The following CNTNAP3 variants were observed in gnomAD, a reference collection of about 807,000 sequenced individuals.
The protein encoded by CNTNAP3 is contactin-associated protein-like 3.
Under a neutral mutation model 92.1 loss-of-function variants are expected in CNTNAP3, and 36 were observed. That is an observed-to-expected ratio of 0.39 (90% confidence interval 0.30 to 0.52). The LOEUF (loss-of-function observed/expected upper bound fraction) is 0.52, where lower values mean the gene tolerates loss of function less well. CNTNAP3 is among the 20% of genes least tolerant of loss of function. The pLI is 0.76. For missense variants in CNTNAP3, 534 were observed against 1,069.6 expected (o/e 0.50, Z 6.98); for synonymous variants, 232 against 422.3 (o/e 0.55, Z 5.53).
intron 23 of CNTNAP3, among the ~76,000 whole-genome samples, chr9:39,076,731 G>A (rs1825778158): frequency 6.6e-6 from 1 of 152,304 alleles, no homozygotes; most frequent in African/African-American, 2.4e-5. Flanking sequence ...CACTTTGGGA[G>A]GCCAAGGTAG....
rs1821806201 is a variant in CNTNAP3, at chr9:39,150,036, T to C, written c.1478-59A>G. On this transcript the variant is annotated intron_variant, in intron 9 of 23. Transcript: ENST00000297668. ...CAACTATGACAAAACTATTCCACAG[T>C]ATTTACTATATGAAGACTGCTGCTC... The C allele has an allele frequency of 3.0e-6, 4 of 1,350,888 alleles. No homozygotes were observed. The East Asian group carries it at 7.1e-5, about 24-fold the overall frequency. 83.7% of individuals were successfully genotyped at this position (1,350,888 alleles called of 1,614,324 possible).
Position 39,113,854 on chromosome 9 carries a change from T to A in CNTNAP3, c.2237+4249A>T, listed in dbSNP as rs543194222. ...GCTATATCAAGTTTGTTAATTATAA[T>A]ATTAAAATATTCTTACCTGCTTCAC... On this transcript the variant is annotated intron_variant, in intron 14 of 23. Coordinates refer to ENST00000297668, the MANE Select transcript of CNTNAP3 (RefSeq NM_033655.5). Among the ~76,000 whole-genome samples, 1,127 of 151,518 alleles carry A rather than the reference T, an allele frequency of 7.4e-3. 13 individuals carry two copies. The highest frequency in any genetic ancestry group is 0.026 in the African/African-American group (1,079 of 41,332).
chr9:39,085,902 A>G lies in CNTNAP3; in HGVS notation c.3355-79T>C, dbSNP rs1194447385. The G allele has an allele frequency of 2.9e-5, 37 of 1,266,508 alleles. 1 individual carries two copies. The East Asian group carries it at 4.5e-4, about 15-fold the overall frequency. The allele number at this position is 1,266,508 out of a possible 1,614,324, so 78.5% of individuals were successfully genotyped here. A position where few individuals can be genotyped will look rare whatever the true frequency, so the allele number is the denominator to read the frequency against. On this transcript the variant is annotated intron_variant, in intron 20 of 23. Transcript: ENST00000297668. ...TAAGGAAGCAAAGGAAGATGAGGAA[A>G]GGAAAGATGAAAATAAATCACTTTT...
chr9:39,128,482 AT>A (rs1426898065), intron 13 of CNTNAP3, among the ~76,000 whole-genome samples: 29 of 151,894 alleles, frequency 1.9e-4, no homozygotes, highest in African/African-American at 6.0e-4. Context: ...TTTAATACCA[AT>A]TGACACAGAA....
chr9:39,145,464 T>G, intron 10 of CNTNAP3, among the ~76,000 whole-genome samples: 2 of 140,390 alleles, frequency 1.4e-5, no homozygotes, highest in Admixed American at 6.9e-5. Context: ...GGCCGGGAGG[T>G]TGTGACAGGC....
In CNTNAP3 at chr9:39,068,961, C is replaced by A. The variant is rs1260227980; in HGVS notation, c.*4929G>T. On this transcript the variant is annotated 3_prime_UTR_variant, in exon 24 of 24. Coordinates refer to ENST00000297668, the MANE Select transcript of CNTNAP3 (RefSeq NM_033655.5). ...GAGGGTAAATATGCTCCCTATTACTCCATCTTAGCCAGAAGTAAAATAAGA... is the reference window on the plus strand; with the variant it reads ...GAGGGTAAATATGCTCCCTATTACTACATCTTAGCCAGAAGTAAAATAAGA... 2.0e-5 allele frequency among the ~76,000 whole-genome samples: 3 copies of A among 152,280 alleles called. No homozygotes were observed. Among genetic ancestry groups the A allele is most frequent in the Non-Finnish European group, 4.4e-5 (3 of 68,056 alleles).
chr9:39,103,596 A>C (rs1446338801), intron 16 of CNTNAP3, 148 bp downstream of exon 16: 17 of 1,075,152 alleles, frequency 1.6e-5, no homozygotes, highest in East Asian at 1.4e-4. Flanking sequence ...TCTCAAAAAA[A>C]AAAAAATTAC....
intron 12 of CNTNAP3, among the ~76,000 whole-genome samples, chr9:39,135,736 T>G (rs1249566431): frequency 1.3e-5 from 2 of 152,154 alleles, no homozygotes; most frequent in Non-Finnish European, 2.9e-5. Context: ...CAGCCTACAG[T>G]TGGGCAAAAT....
chr9:39,090,438 A>C (rs1415661869), intron 18 of CNTNAP3, among the ~76,000 whole-genome samples: 1 of 152,198 alleles, frequency 6.6e-6, no homozygotes, highest in Non-Finnish European at 1.5e-5. Context: ...GTCTAATTTC[A>C]TTCATTTGCA....
chr9:39,111,176 G>A (rs894873457), intron 14 of CNTNAP3, among the ~76,000 whole-genome samples: 2 of 152,078 alleles, frequency 1.3e-5, no homozygotes, highest in African/African-American at 2.4e-5. Flanking sequence ...ATCCTCTGTG[G>A]TGGGAACATT....
intron 14 of CNTNAP3, among the ~76,000 whole-genome samples, chr9:39,111,228 T>C (rs958203377): frequency 7.2e-5 from 11 of 152,166 alleles, no homozygotes; most frequent in African/African-American, 2.7e-4. Flanking sequence ...AATAAATTAC[T>C]GTTAACTATA....
At chr9:39,134,435 T>C (rs1166728927) in intron 12 of CNTNAP3, among the ~76,000 whole-genome samples, 1 of 151,184 alleles carries the variant, frequency 6.6e-6, no homozygotes, top group East Asian at 1.9e-4. Flanking sequence ...TTAATTTATT[T>C]ATTTTTGAGA....
chr9:39,144,429 A>C, intron 10 of CNTNAP3, 83 bp from the exon 11 acceptor site: 2 of 1,505,750 alleles, frequency 1.3e-6, no homozygotes, highest in South Asian at 1.3e-5. Flanking sequence ...GTTAACCAAA[A>C]ACAGGTTAAT....
intron 23 of CNTNAP3, among the ~76,000 whole-genome samples, chr9:39,077,506 G>C (rs1292779524): frequency 6.6e-6 from 1 of 152,028 alleles, no homozygotes; most frequent in East Asian, 1.9e-4. Flanking sequence ...GCAGTAAGTC[G>C]AGATTGCTTC....
chr9:39,147,613 A>T (rs533982058), intron 10 of CNTNAP3, among the ~76,000 whole-genome samples: 2 of 152,192 alleles, frequency 1.3e-5, no homozygotes, highest in Admixed American at 1.3e-4. Context: ...TATTGTACAC[A>T]TCATGACTGA....
chr9:39,081,554 A>T (rs1318908949), intron 21 of CNTNAP3, among the ~76,000 whole-genome samples: 1 of 151,056 alleles, frequency 6.6e-6, no homozygotes, highest in East Asian at 2.0e-4. Context: ...CAGAAGAGTC[A>T]AAAGAATGGA....
rs2118416576 is a variant in CNTNAP3 at position 39,085,817 on chromosome 9, G to A, written c.3361C>T (p.Gln1121Ter). Residue 1121 changes from glutamine to a stop codon, truncating the protein, a stop_gained, in exon 21 of 24, where the codon CAG (glutamine) becomes TAG (stop). Transcript: ENST00000297668. LOFTEE classifies it high-confidence loss of function. ...AAGATGACTTGTTTCTTTGTGCTCT[G>A]GTTAACCTATTAGATGTCCCATGAG... ...EEAVVMVEVN[Q>*]STKKQVILSS... 1 of 1,556,896 alleles carries A rather than the reference G, an allele frequency of 6.4e-7. No individual in the cohort carries two copies. Among genetic ancestry groups the A allele is most frequent in the East Asian group, 2.3e-5 (1 of 43,228 alleles).
At chr9:39,115,211 G>T (rs995865699) in intron 14 of CNTNAP3, among the ~76,000 whole-genome samples, 2 of 150,652 alleles carry the variant, frequency 1.3e-5, no homozygotes, top group African/African-American at 4.9e-5. Context: ...ACGGACATAT[G>T]CCTGAAGAGA....
intron 11 of CNTNAP3, among the ~76,000 whole-genome samples, chr9:39,142,917 G>A (rs1215039898): frequency 6.6e-6 from 1 of 151,908 alleles, no homozygotes; most frequent in Non-Finnish European, 1.5e-5. Context: ...TCTCACGGAA[G>A]AGTTCTTAAA....
Sources: allele counts gnomAD v4.1 joint callset (sites outside exome capture counted in the v4.1 genomes callset), GRCh38; gene constraint gnomAD v4.1.1; transcripts MANE v1.5; gene names NCBI Gene and HGNC (gene_info 2026-07-23, HGNC 2026-07-21).